Variants in NSL1 observed in about 807,000 individuals in gnomAD.
NSL1 encodes kinetochore-associated protein NSL1 homolog.
NSL1 carries 11 observed loss-of-function variants against 25.4 expected under a neutral mutation model. The observed-to-expected ratio is 0.43, with a 90% confidence interval of 0.27 to 0.72. NSL1 has a LOEUF of 0.72. Ranked by LOEUF, NSL1 falls within the 30% of genes least tolerant of loss-of-function variation. The pLI, the probability that NSL1 is intolerant of heterozygous loss-of-function variation, is 0.19. For synonymous variants in NSL1, 118 were observed against 120.6 expected (o/e 0.98, Z 0.14); for missense variants, 330 against 342.7 (o/e 0.96, Z 0.29).
chr1:212,779,138 C>A (rs999720207), intron 4 of NSL1, among the ~76,000 whole-genome samples: 1 of 151,484 alleles, frequency 6.6e-6, no homozygotes, highest in African/African-American at 2.4e-5. Flanking sequence ...ACCGCCCCAT[C>A]TGAGAAATGA....
Position 212,730,021 on chromosome 1 carries a change from C to T in NSL1, c.*8387G>A, listed in dbSNP as rs11120008. On this transcript the variant is annotated 3_prime_UTR_variant, in exon 6 of 6. Transcript: ENST00000366977. The stretch of plus-strand genomic sequence containing the variant: ...ATCACAGCACTTTGGGAGGCCAGGG[C>T]GAGTGGATCACCTGAGGTCAGGAGT... 0.055 allele frequency: 53,067 copies of T among 968,596 alleles called. 1,608 individuals are homozygous for T. Among genetic ancestry groups the T allele is most frequent in the Non-Finnish European group, 0.059 (47,989 of 815,238 alleles). 60.0% of individuals were successfully genotyped at this position (968,596 alleles called of 1,614,324 possible). A position where few individuals can be genotyped will look rare whatever the true frequency, so the allele number is the denominator to read the frequency against.
In NSL1 at chr1:212,729,615, G is replaced by T. The variant is rs142748361; in HGVS notation, c.*8793C>A. ...TCAGGATCAGAGGCAGGCACACAGG[G>T]CATAGACAGAATATGACAAGTCAGA... On this transcript the variant is annotated 3_prime_UTR_variant, in exon 6 of 6. Coordinates refer to ENST00000366977, the MANE Select transcript of NSL1 (RefSeq NM_015471.4). 932 of 985,332 alleles carry T rather than the reference G, an allele frequency of 9.5e-4. 4 individuals carry two copies. In the African/African-American group the frequency reaches 0.015, roughly 16 times the overall value. 61.0% of individuals were successfully genotyped at this position (985,332 alleles called of 1,614,324 possible).
intron 1 of NSL1, among the ~76,000 whole-genome samples, chr1:212,789,703 CTGTGG>C (rs1439626598): frequency 6.6e-6 from 1 of 152,162 alleles, no homozygotes. Context: ...AAGTGAATTC[CTGTGG>C]TAGTCTAAGC....
At position 212,732,555 on chromosome 1, in the gene NSL1, A is replaced by G. The variant is rs912600416; in HGVS notation, c.*5853T>C. On this transcript the variant is annotated 3_prime_UTR_variant, in exon 6 of 6. Coordinates refer to ENST00000366977, the MANE Select transcript of NSL1 (RefSeq NM_015471.4). Reference sequence around the variant, plus strand: ...GTGATCTGCCTGTCTCGGCCTCCCAAGGTGCTGGGATTACAGGTGTGAGCC... The same window carrying G: ...GTGATCTGCCTGTCTCGGCCTCCCAGGGTGCTGGGATTACAGGTGTGAGCC... The G allele has an allele frequency of 1.1e-6, 1 of 892,344 alleles. No individual in the cohort carries two copies. Among genetic ancestry groups the G allele is most frequent in the Non-Finnish European group, 1.3e-6 (1 of 745,158 alleles). 55.3% of individuals were successfully genotyped at this position (892,344 alleles called of 1,614,324 possible). A position where few individuals can be genotyped will look rare whatever the true frequency, so the allele number is the denominator to read the frequency against.
chr1:212,761,056 A>G (rs1571889507), intron 4 of NSL1, among the ~76,000 whole-genome samples: 1 of 152,226 alleles, frequency 6.6e-6, no homozygotes, highest in Admixed American at 6.5e-5. Context: ...AAGCTAAAGC[A>G]CCCTACCCAA....
chr1:212,771,405 A>G (rs188000004), intron 4 of NSL1, among the ~76,000 whole-genome samples: 1 of 152,308 alleles, frequency 6.6e-6, no homozygotes, highest in East Asian at 1.9e-4. Context: ...AACATACTGA[A>G]TGAGGAAAAG....
At chr1:212,766,941 T>C (rs1659847978) in intron 4 of NSL1, among the ~76,000 whole-genome samples, 1 of 152,138 alleles carries the variant, frequency 6.6e-6, no homozygotes, top group Non-Finnish European at 1.5e-5. Flanking sequence ...AAATCACAGA[T>C]GACACAAACA....
chr1:212,737,644 T>C lies in NSL1; in HGVS notation c.*764A>G, dbSNP rs532554752. The C allele has an allele frequency of 6.3e-6, 6 of 947,880 alleles. No homozygotes were observed. In the South Asian group the frequency reaches 2.9e-4, roughly 46 times the overall value. 58.7% of individuals were successfully genotyped at this position (947,880 alleles called of 1,614,324 possible). A position where few individuals can be genotyped will look rare whatever the true frequency, so the allele number is the denominator to read the frequency against. On this transcript the variant is annotated 3_prime_UTR_variant, in exon 6 of 6. Transcript: ENST00000366977. Reference sequence around the variant, plus strand: ...CAGTGTATTAATCTGATATATATTTTGAACTGGAATGATTTGTAAAGAAAT... The same window carrying C: ...CAGTGTATTAATCTGATATATATTTCGAACTGGAATGATTTGTAAAGAAAT...
chr1:212,779,076 C>T (rs1209117443), intron 4 of NSL1, among the ~76,000 whole-genome samples: 1 of 151,086 alleles, frequency 6.6e-6, no homozygotes, highest in Non-Finnish European at 1.5e-5. Context: ...AAGTGAGGAG[C>T]GTCTCTGCCC....
intron 4 of NSL1, among the ~76,000 whole-genome samples, chr1:212,754,438 G>T (rs1396629028): frequency 2.0e-5 from 3 of 151,940 alleles, no homozygotes; most frequent in Non-Finnish European, 4.4e-5. Flanking sequence ...TGAAACCGAG[G>T]GCTGAGACAG....
chr1:212,768,729 T>C (rs1372799451), intron 4 of NSL1, among the ~76,000 whole-genome samples: 2 of 152,000 alleles, frequency 1.3e-5, no homozygotes, highest in African/African-American at 4.8e-5. Flanking sequence ...TGGGGTAAGG[T>C]TGTGGGGCTG....
chr1:212,764,966 C>T (rs1410422992), intron 4 of NSL1, among the ~76,000 whole-genome samples: 1 of 148,614 alleles, frequency 6.7e-6, no homozygotes, highest in Non-Finnish European at 1.5e-5. Flanking sequence ...CCTTTATGTG[C>T]ACAAACTACA....
At chr1:212,759,208 C>G (rs1659448202) in intron 4 of NSL1, among the ~76,000 whole-genome samples, 1 of 152,030 alleles carries the variant, frequency 6.6e-6, no homozygotes, top group Non-Finnish European at 1.5e-5. Flanking sequence ...TTAGATTTTG[C>G]CAAATTTAAA....
rs770645160 is a variant in NSL1 at position 212,737,439 on chromosome 1, A to C, written c.*969T>G. 1.4e-5 allele frequency: 14 copies of C among 985,188 alleles called. No individual in the cohort carries two copies. The African/African-American group carries it at 1.7e-4, about 12-fold the overall frequency. The allele number at this position is 985,188 out of a possible 1,614,324, so 61.0% of individuals were successfully genotyped here. On this transcript the variant is annotated 3_prime_UTR_variant, in exon 6 of 6. Coordinates refer to ENST00000366977, the MANE Select transcript of NSL1 (RefSeq NM_015471.4). ...TCATCAAAAGGGGAAACAGTTGGTA[A>C]GTTTGATGGCCCTGCCTACACTGTA...
At chr1:212,791,193 T>C (rs1661233181) in intron 1 of NSL1, among the ~76,000 whole-genome samples, 2 of 152,210 alleles carry the variant, frequency 1.3e-5, no homozygotes, top group South Asian at 4.1e-4. Flanking sequence ...TCTCATTCAT[T>C]TGATATTATT....
At chr1:212,759,154 TA>T (rs1659445050) in intron 4 of NSL1, among the ~76,000 whole-genome samples, 1 of 152,042 alleles carries the variant, frequency 6.6e-6, no homozygotes, top group Admixed American at 6.5e-5. Flanking sequence ...TTCTAAAATA[TA>T]AAACTAAAAC....
intron 4 of NSL1, among the ~76,000 whole-genome samples, chr1:212,741,314 T>C (rs535842205): frequency 6.6e-6 from 1 of 152,350 alleles, no homozygotes; most frequent in South Asian, 2.1e-4. Context: ...GAGCTATCTG[T>C]TCAACGAACA....
At chr1:212,750,984 T>C (rs1211573406) in intron 4 of NSL1, among the ~76,000 whole-genome samples, 1 of 151,750 alleles carries the variant, frequency 6.6e-6, no homozygotes, top group African/African-American at 2.4e-5. Flanking sequence ...CCAAAAGGGG[T>C]AGAAAGCTAT....
chr1:212,738,200 A>G lies in NSL1; in HGVS notation c.*208T>C. 6.9e-6 allele frequency: 9 copies of G among 1,305,092 alleles called. No homozygotes were observed. Among genetic ancestry groups the G allele is most frequent in the Non-Finnish European group, 6.8e-6 (7 of 1,030,090 alleles). 80.8% of individuals were successfully genotyped at this position (1,305,092 alleles called of 1,614,324 possible). A position where few individuals can be genotyped will look rare whatever the true frequency, so the allele number is the denominator to read the frequency against. On this transcript the variant is annotated 3_prime_UTR_variant, in exon 6 of 6. Transcript: ENST00000366977. ...GATGGGCTTTGTGTCAATACTTTTT[A>G]AAATGCTTTTTATTTACAATAGATA... is the stretch of plus-strand genomic sequence containing the variant.
Sources: gnomAD v4.1 joint callset for allele counts (sites outside exome capture counted in the v4.1 genomes callset) on GRCh38, gnomAD v4.1.1 for gene constraint, MANE v1.5 for transcripts, NCBI Gene and HGNC (gene_info 2026-07-23, HGNC 2026-07-21) for gene names.